ADGRD1: variants seen among roughly 807,000 people sequenced by gnomAD.
ADGRD1 encodes the protein G-protein coupled receptor 133.
Under a neutral mutation model 113.4 loss-of-function variants are expected in ADGRD1, and 77 were observed. The ratio of observed to expected loss-of-function variants is 0.68; its 90% CI spans 0.57 to 0.82. The LOEUF is 0.82. Ranked by LOEUF, ADGRD1 falls within the 40% of genes least tolerant of loss-of-function variation. ADGRD1 has a pLI of 0.00. For missense variants in ADGRD1, 1,036 were observed against 1,139.1 expected (o/e 0.91, Z 1.30); for synonymous variants, 474 against 475.0 (o/e 1.00, Z 0.03).
At chr12:131,069,418 G>GTGGCTTCA (rs1253663915) in intron 13 of ADGRD1, 1 of 152,210 alleles carries the variant, frequency 6.6e-6, no homozygotes, top group Non-Finnish European at 1.5e-5. Flanking sequence ...ATGTGGCTTC[G>GTGGCTTCA]TGGCTTCATT....
chr12:130,977,290 G>A (rs1159306495), intron 4 of ADGRD1: 2 of 152,286 alleles, frequency 1.3e-5, no homozygotes, highest in African/African-American at 4.8e-5. Flanking sequence ...AGGGAAAGGG[G>A]AAAGGGAAGA....
chr12:130,992,120 CAAAAAA>C, intron 7 of ADGRD1, 111 bp from the exon 8 acceptor site: 11 of 657,214 alleles, frequency 1.7e-5, no homozygotes, highest in Admixed American at 2.8e-5. Flanking sequence ...GACTCAGTCT[CAAAAAA>C]AAAAAAAAAA....
At chr12:131,133,188 C>G (rs1328099412) in intron 21 of ADGRD1, among the ~76,000 whole-genome samples, 1 of 152,044 alleles carries the variant, frequency 6.6e-6, no homozygotes, top group Non-Finnish European at 1.5e-5. Context: ...CCTCAGCTCC[C>G]CAGGCCCTCA....
Position 130,997,796 on chromosome 12 carries a change from C to T in ADGRD1, c.967-2587C>T, listed in dbSNP as rs111766432. Among the ~76,000 whole-genome samples the T allele has an allele frequency of 7.8e-3, 1,183 of 151,898 alleles. 9 individuals are homozygous for T. Among genetic ancestry groups the T allele is most frequent in the African/African-American group, 0.027 (1,127 of 41,390 alleles). On this transcript the variant is annotated intron_variant, in intron 8 of 24. Transcript: ENST00000261654. ...GCAGAGACGCTCCTCACTTCCCAGACGGGGTGGCGGCCGGGCAGAGGCTGC... is the reference window on the plus strand; with the variant it reads ...GCAGAGACGCTCCTCACTTCCCAGATGGGGTGGCGGCCGGGCAGAGGCTGC...
intron 20 of ADGRD1, among the ~76,000 whole-genome samples, chr12:131,125,063 G>T (rs1319909768): frequency 6.6e-6 from 1 of 152,158 alleles, no homozygotes; most frequent in Non-Finnish European, 1.5e-5. Context: ...TTCCCTCTGT[G>T]CATGTCTGCG....
intron 13 of ADGRD1, among the ~76,000 whole-genome samples, chr12:131,033,655 C>T (rs1881055793): frequency 6.6e-6 from 1 of 152,186 alleles, no homozygotes; most frequent in Non-Finnish European, 1.5e-5. Context: ...CTGGAGCCGG[C>T]CCTGGAGGGG....
At position 131,060,352 on chromosome 12, in the gene ADGRD1, C is replaced by T. The variant is rs6486624; in HGVS notation, c.1474-16449C>T. Among the ~76,000 whole-genome samples the T allele has an allele frequency of 1.3e-5, 2 of 152,210 alleles. No homozygotes were observed. The highest frequency in any genetic ancestry group is 2.9e-5 in the Non-Finnish European group (2 of 68,026). The stretch of plus-strand genomic sequence containing the variant: ...ACTGCCTGTCTAGGTGGCCCCTTTC[C>T]TGGTCCTCTGTGGTTACTGGACATA... On this transcript the variant is annotated intron_variant, in intron 13 of 24. Coordinates refer to ENST00000261654, the MANE Select transcript of ADGRD1 (RefSeq NM_198827.5). The surrounding 1 kb of genome is among the most constrained non-coding windows in gnomAD (Gnocchi z 4.4).
At chr12:131,007,373 C>T (rs1877261653) in intron 12 of ADGRD1, among the ~76,000 whole-genome samples, 1 of 152,230 alleles carries the variant, frequency 6.6e-6, no homozygotes, top group Admixed American at 6.5e-5. Context: ...ATTTACAAAA[C>T]CAGGCGGCCA....
intron 17 of ADGRD1, among the ~76,000 whole-genome samples, chr12:131,108,429 G>C (rs535804548): frequency 6.6e-6 from 1 of 152,216 alleles, no homozygotes; most frequent in African/African-American, 2.4e-5. Context: ...CCATCCCTGA[G>C]CCAATCCTGT....
intron 13 of ADGRD1, among the ~76,000 whole-genome samples, chr12:131,020,683 C>A (rs1879220843): frequency 6.6e-6 from 1 of 152,212 alleles, no homozygotes; most frequent in African/African-American, 2.4e-5. Flanking sequence ...TTATCCGAGG[C>A]CCCTGGACCG....
Position 131,076,815 on chromosome 12 carries a change from C to T in ADGRD1, c.1488C>T (p.His496=). ...TTTCATTTCAGACACGTAAGCAGCA[C>T]AGTGAGGCCACCAACAGCAGCAACC... ...HLKHRLTRKQ[H]SEATNSSNRV... is the part of the protein sequence containing the mutation. The change falls in exon 14 of 25, where the codon CAC becomes CAT. Residue 496 remains histidine, a synonymous_variant. Coordinates refer to ENST00000261654, the MANE Select transcript of ADGRD1 (RefSeq NM_198827.5). The T allele has an allele frequency of 6.2e-7, 1 of 1,614,130 alleles. No individual in the cohort carries two copies. The highest frequency in any genetic ancestry group is 8.5e-7 in the Non-Finnish European group (1 of 1,179,950).
In ADGRD1 at chr12:131,139,211, C is replaced by T; in HGVS notation, c.2573C>T (p.Pro858Leu). ...GGCATGGCCTCCACCAAGCTCAGCC[C>T]TTGGGACAAGAGCAGCCACTCTGCC... Reference protein sequence around the residue: ...RPGMASTKLSPWDKSSHSAHR... With the variant: ...RPGMASTKLSLWDKSSHSAHR... The change falls in exon 25 of 25, where the codon CCT becomes CTT. Residue 858 changes from proline to leucine, a missense_variant. Physicochemically the swap from Pro to Leu is moderately conservative, Grantham distance 98 (BLOSUM62 -3). Transcript: ENST00000261654. 1 of 1,612,992 alleles carries T rather than the reference C, an allele frequency of 6.2e-7. No homozygotes were observed.
Position 131,057,890 on chromosome 12 carries a change from C to T in ADGRD1, c.1474-18911C>T, listed in dbSNP as rs1884010171. Among the ~76,000 whole-genome samples, 1 of 152,200 alleles carries T rather than the reference C, an allele frequency of 6.6e-6. No individual in the cohort carries two copies. The highest frequency in any genetic ancestry group is 1.5e-5 in the Non-Finnish European group (1 of 68,036). On this transcript the variant is annotated intron_variant, in intron 13 of 24. Coordinates refer to ENST00000261654, the MANE Select transcript of ADGRD1 (RefSeq NM_198827.5). This position sits in a 1 kb window ranked among gnomAD's most constrained non-coding sequence, Gnocchi z 4.2. ...CCTAGTCAAGGACCCCATGTGCTTT[C>T]CTGCAGGACTGACCGCAGCCGTCTT...
intron 6 of ADGRD1, chr12:130,989,087 C>T (rs999051155): frequency 3.9e-5 from 6 of 152,172 alleles, no homozygotes; most frequent in Non-Finnish European, 7.3e-5. Context: ...CAGCTTCCAC[C>T]CAGGAAAACG....
intron 13 of ADGRD1, among the ~76,000 whole-genome samples, chr12:131,064,807 G>A (rs986437816): frequency 6.6e-6 from 1 of 152,206 alleles, no homozygotes; most frequent in Non-Finnish European, 1.5e-5. Context: ...GAAAGCAAAG[G>A]GAAAGGAGAG....
At chr12:131,105,949 T>A in intron 17 of ADGRD1, 84 bp downstream of exon 17, 1 of 976,698 alleles carries the variant, frequency 1.0e-6, no homozygotes, top group Non-Finnish European at 1.6e-6. Flanking sequence ...TGCTAGCTTT[T>A]TCAACTCAAA....
chr12:131,138,686 A>C (rs1390424382), intron 24 of ADGRD1, among the ~76,000 whole-genome samples: 1 of 151,758 alleles, frequency 6.6e-6, no homozygotes, highest in East Asian at 2.0e-4. Context: ...GCTCCCACCC[A>C]TTCTCGCACT....
chr12:131,073,743 G>C (rs962115931), intron 13 of ADGRD1, among the ~76,000 whole-genome samples: 3 of 152,192 alleles, frequency 2.0e-5, no homozygotes, highest in African/African-American at 7.2e-5. Flanking sequence ...TTCACCTCTT[G>C]GTGGAAAAGG....
chr12:131,027,013 G>C lies in ADGRD1; in HGVS notation c.1473+12673G>C, dbSNP rs1880044080. On this transcript the variant is annotated intron_variant, in intron 13 of 24. Transcript: ENST00000261654. The surrounding 1 kb of genome is among the most constrained non-coding windows in gnomAD (Gnocchi z 5.1). ...GAAAGCAGGCGGGTGGCTTCTCTTG[G>C]AGGCAGGTACTTTCTCGTAGGGATT... 6.6e-6 allele frequency: 1 copy of C among 152,198 alleles called. No homozygotes were observed. The highest frequency in any genetic ancestry group is 2.4e-5 in the African/African-American group (1 of 41,444). The allele number at this position is 152,198 out of a possible 1,614,324, so 9.4% of individuals were successfully genotyped here. A position where few individuals can be genotyped will look rare whatever the true frequency, so the allele number is the denominator to read the frequency against.
Sources: allele counts gnomAD v4.1 joint callset (sites outside exome capture counted in the v4.1 genomes callset), GRCh38; gene constraint gnomAD v4.1.1; non-coding constraint Gnocchi (gnomAD v3.1); transcripts MANE v1.5; gene names NCBI Gene and HGNC (gene_info 2026-07-23, HGNC 2026-07-21).